The following COLEC10 variants were observed in gnomAD, a reference collection of about 807,000 sequenced individuals.
The protein encoded by COLEC10 is collectin-10.
Under a neutral mutation model 28.4 loss-of-function variants are expected in COLEC10, and 22 were observed. The ratio of observed to expected loss-of-function variants is 0.78; its 90% CI spans 0.55 to 1.11. COLEC10 has a LOEUF of 1.11. Among genes scored for constraint, COLEC10 ranks in the 50% least tolerant of loss-of-function variants. COLEC10 has a pLI of 0.00. For missense variants in COLEC10, 361 were observed against 344.1 expected (o/e 1.05, Z -0.39); for synonymous variants, 125 against 116.1 (o/e 1.08, Z -0.49).
At chr8:119,054,314 T>C (rs571707983) in intron 2 of COLEC10, among the ~76,000 whole-genome samples, 2 of 152,254 alleles carry the variant, frequency 1.3e-5, no homozygotes, top group African/African-American at 4.8e-5. Context: ...AAAGTGAAAC[T>C]GCAGATAAGA....
chr8:119,102,991 G>A (rs1044710883), intron 4 of COLEC10, among the ~76,000 whole-genome samples: 4 of 151,918 alleles, frequency 2.6e-5, no homozygotes, highest in Non-Finnish European at 4.4e-5. Flanking sequence ...TATGAATATG[G>A]ATACATAAGG....
intron 3 of COLEC10, among the ~76,000 whole-genome samples, chr8:119,099,847 T>C (rs1451509191): frequency 6.6e-6 from 1 of 152,166 alleles, no homozygotes; most frequent in Non-Finnish European, 1.5e-5. Flanking sequence ...CATGATAGTA[T>C]CTCATCTCTT....
intron 2 of COLEC10, among the ~76,000 whole-genome samples, chr8:119,044,077 G>T (rs1365203609): frequency 6.6e-6 from 1 of 152,244 alleles, no homozygotes; most frequent in African/African-American, 2.4e-5. Flanking sequence ...AAGCACTGAA[G>T]CTAGAGAGAC....
rs370438878 is a variant in COLEC10 at position 119,053,693 on chromosome 8, G to GGT, written n.236-35986_236-35985insTG. 5.1e-4 allele frequency among the ~76,000 whole-genome samples: 77 copies of GGT among 150,298 alleles called. 1 individual carries two copies. Among genetic ancestry groups the GGT allele is most frequent in the Middle Eastern group, 3.4e-3 (1 of 292 alleles). ...GGCAATTAAAAAAAAAGGTGGGGGG[G>GGT]GCTTATTTCTAAAGATCTCTAATAT... On this transcript the variant is annotated intron_variant and non_coding_transcript_variant, in intron 2 of 6. Transcript: ENST00000521788.
At chr8:119,057,627 T>A (rs1156228470) in intron 2 of COLEC10, among the ~76,000 whole-genome samples, 1 of 152,138 alleles carries the variant, frequency 6.6e-6, no homozygotes, top group Non-Finnish European at 1.5e-5. Context: ...ACTGTTATAA[T>A]TCCCTGTTTT....
At chr8:118,978,283 G>A in the COLEC10 span, among the ~76,000 whole-genome samples, 2 of 152,222 alleles carry the variant, frequency 1.3e-5, no homozygotes, top group Admixed American at 1.3e-4. Flanking sequence ...TCAATATGGT[G>A]TCACATTTCC....
rs746970099 is a variant in COLEC10 at position 119,105,809 on chromosome 8, G to T, written c.452G>T (p.Gly151Val). The T allele has an allele frequency of 1.9e-6, 3 of 1,610,928 alleles. No individual in the cohort carries two copies. The Admixed American group carries it at 5.0e-5, about 27-fold the overall frequency. The change falls in exon 6 of 6, where the codon GGG (glycine) becomes GTG (valine). Residue 151 changes from glycine to valine, a missense_variant. Coordinates refer to ENST00000332843, the MANE Select transcript of COLEC10 (RefSeq NM_006438.5). ...TTTTCTCTCCCTGCAGTGATAGCAG[G>T]GATTAGGGAAACTGAAGAGAAATTC... is the stretch of plus-strand genomic sequence containing the variant. Reference protein sequence around the residue: ...SMKFVKNVIAGIRETEEKFYY... With the variant: ...SMKFVKNVIAVIRETEEKFYY...
At chr8:119,094,515 T>C (rs565521687) in intron 3 of COLEC10, among the ~76,000 whole-genome samples, 1 of 152,198 alleles carries the variant, frequency 6.6e-6, no homozygotes, top group Non-Finnish European at 1.5e-5. Context: ...TCTGAAGGTA[T>C]GACAGTGCAA....
chr8:118,961,856 T>C, the COLEC10 span, among the ~76,000 whole-genome samples: 1 of 152,236 alleles, frequency 6.6e-6, no homozygotes, highest in African/African-American at 2.4e-5. Context: ...TTGGATATTT[T>C]TTAATGCCCT....
chr8:119,002,080 C>A lies in COLEC10; in HGVS notation n.122+6507C>A, dbSNP rs527486000. On this transcript the variant is annotated intron_variant and non_coding_transcript_variant, in intron 1 of 6. Coordinates refer to the COLEC10 transcript ENST00000521788. Reference sequence around the variant, plus strand: ...ATTTATGCATTGCCTAGAAAGCAATCTGTCTAGTTAGTTTACAGTCCTACT... The same window carrying A: ...ATTTATGCATTGCCTAGAAAGCAATATGTCTAGTTAGTTTACAGTCCTACT... Among the ~76,000 whole-genome samples, 488 of 152,274 alleles carry A rather than the reference C, an allele frequency of 3.2e-3. 1 individual carries two copies. The highest frequency in any genetic ancestry group is 0.011 in the African/African-American group (452 of 41,556).
chr8:118,975,070 G>C, the COLEC10 span, among the ~76,000 whole-genome samples: 8 of 151,894 alleles, frequency 5.3e-5, no homozygotes, highest in African/African-American at 1.9e-4. Flanking sequence ...CATGCCCTTC[G>C]GGGTTTCAGA....
chr8:119,066,775 G>C (rs946674170), upstream of COLEC10, among the ~76,000 whole-genome samples: 12 of 152,178 alleles, frequency 7.9e-5, no homozygotes, highest in Admixed American at 3.3e-4. Context: ...TTGGTAGCAA[G>C]AGTAAGAAGG....
intron 1 of COLEC10, among the ~76,000 whole-genome samples, chr8:119,085,212 C>T (rs776778081): frequency 3.9e-5 from 6 of 152,072 alleles, no homozygotes; most frequent in Non-Finnish European, 7.4e-5. Context: ...TTCAGGATAG[C>T]CAGGAGTAGG....
At chr8:119,040,165 C>T (rs1240041794) in intron 2 of COLEC10, among the ~76,000 whole-genome samples, 2 of 152,162 alleles carry the variant, frequency 1.3e-5, no homozygotes, top group African/African-American at 4.8e-5. Context: ...ATGTATTCTC[C>T]TTTCTCTCAG....
chr8:118,995,266 A>G (rs1279416191), upstream of COLEC10, among the ~76,000 whole-genome samples: 1 of 152,186 alleles, frequency 6.6e-6, no homozygotes, highest in Non-Finnish European at 1.5e-5. Flanking sequence ...AGTGCCTGAG[A>G]CAGTTTAGTG....
intron 2 of COLEC10, among the ~76,000 whole-genome samples, chr8:119,026,380 C>T (rs1001330334): frequency 6.6e-6 from 1 of 151,938 alleles, no homozygotes; most frequent in African/African-American, 2.4e-5. Context: ...ATAGCAAGAC[C>T]TCATCTCCAC....
At chr8:119,045,364 T>C (rs1814568918) in intron 2 of COLEC10, among the ~76,000 whole-genome samples, 2 of 152,236 alleles carry the variant, frequency 1.3e-5, no homozygotes, top group South Asian at 4.1e-4. Context: ...AAATGTGGCA[T>C]GACCAATTGG....
At chr8:118,955,716 G>A in the COLEC10 span, among the ~76,000 whole-genome samples, 1 of 152,174 alleles carries the variant, frequency 6.6e-6, no homozygotes, top group Non-Finnish European at 1.5e-5. Context: ...GGGCAAGGAG[G>A]ACAGGGTGTT....
chr8:119,067,094 A>G (rs921083669), upstream of COLEC10: 5 of 559,356 alleles, frequency 8.9e-6, no homozygotes, highest in Non-Finnish European at 1.6e-5. Flanking sequence ...CAGTCTGGAC[A>G]ATGTATGGTC....
Sources: allele counts gnomAD v4.1 joint callset (sites outside exome capture counted in the v4.1 genomes callset), GRCh38; gene constraint gnomAD v4.1.1; transcripts MANE v1.5; gene names NCBI Gene and HGNC (gene_info 2026-07-23, HGNC 2026-07-21).